The following PDSS2 variants were observed in gnomAD, a reference collection of about 807,000 sequenced individuals.
PDSS2 encodes the protein decaprenyl diphosphate synthase subunit 2, also known as all trans-polyprenyl-diphosphate synthase PDSS2.
Under a neutral mutation model 44.5 loss-of-function variants are expected in PDSS2, and 31 were observed. That is an observed-to-expected ratio of 0.70 (90% CI 0.52 to 0.94). PDSS2 has a LOEUF of 0.94. PDSS2 is among the 40% of genes least tolerant of loss of function. The pLI is 0.00. For missense variants in PDSS2, 452 were observed against 482.2 expected (o/e 0.94, Z 0.59); for synonymous variants, 157 against 180.3 (o/e 0.87, Z 1.03).
intron 1 of PDSS2, among the ~76,000 whole-genome samples, chr6:107,363,406 G>C (rs991405132): frequency 7.9e-5 from 12 of 152,298 alleles, no homozygotes; most frequent in African/African-American, 2.9e-4. Context: ...TCCTTCTGGT[G>C]GGTTCGTGGT....
intron 3 of PDSS2, among the ~76,000 whole-genome samples, chr6:107,257,370 T>A (rs1294703548): frequency 1.3e-5 from 2 of 151,292 alleles, no homozygotes; most frequent in African/African-American, 2.4e-5. Flanking sequence ...AGACTCTGTG[T>A]CTACAAAAAC....
chr6:107,399,715 A>G (rs538237331), intron 1 of PDSS2, among the ~76,000 whole-genome samples: 1 of 152,330 alleles, frequency 6.6e-6, no homozygotes, highest in South Asian at 2.1e-4. Context: ...ATGATAATAG[A>G]TAATAGTTCA....
intron 1 of PDSS2, among the ~76,000 whole-genome samples, chr6:107,416,672 T>C (rs1780670859): frequency 6.6e-6 from 1 of 152,178 alleles, no homozygotes; most frequent in African/African-American, 2.4e-5. Context: ...CCAATTTTGA[T>C]AAAGTATGTA....
intron 1 of PDSS2, among the ~76,000 whole-genome samples, chr6:107,377,527 C>A (rs1779321921): frequency 6.6e-6 from 1 of 152,116 alleles, no homozygotes; most frequent in Non-Finnish European, 1.5e-5. Flanking sequence ...CCAGCCATTC[C>A]ATTACTGGGT....
chr6:107,161,466 C>A (rs1470764855), intron 7 of PDSS2, among the ~76,000 whole-genome samples: 1 of 139,886 alleles, frequency 7.1e-6, no homozygotes, highest in African/African-American at 2.7e-5. Context: ...GGTGACAGAG[C>A]GAGACTCCGT....
At chr6:107,380,555 A>G (rs1247665378) in intron 1 of PDSS2, among the ~76,000 whole-genome samples, 1 of 152,178 alleles carries the variant, frequency 6.6e-6, no homozygotes, top group Non-Finnish European at 1.5e-5. Flanking sequence ...GAAAGGTGGT[A>G]GTATCCAGCC....
Position 107,427,892 on chromosome 6 carries a change from T to C in PDSS2, c.296+31098A>G, listed in dbSNP as rs1299677991. 2.6e-5 allele frequency among the ~76,000 whole-genome samples: 4 copies of C among 152,256 alleles called. No homozygotes were observed. The East Asian group carries it at 7.7e-4, about 29-fold the overall frequency. On this transcript the variant is annotated intron_variant, in intron 1 of 7. Coordinates refer to ENST00000369037, the MANE Select transcript of PDSS2 (RefSeq NM_020381.4). ...TATCAAACTGGAGTTGCTTCCAGCATTTATAATGAATTTACCAACAATATG... is the reference window on the plus strand; with the variant it reads ...TATCAAACTGGAGTTGCTTCCAGCACTTATAATGAATTTACCAACAATATG...
chr6:107,309,536 T>G (rs1014282246), intron 2 of PDSS2, among the ~76,000 whole-genome samples: 1 of 152,182 alleles, frequency 6.6e-6, no homozygotes, highest in Non-Finnish European at 1.5e-5. Context: ...TGGCCTACCT[T>G]AAGCCTTCTC....
At chr6:107,402,419 G>C (rs1222088544) in intron 1 of PDSS2, among the ~76,000 whole-genome samples, 1 of 9,038 alleles carries the variant, frequency 1.1e-4, no homozygotes, top group African/African-American at 4.0e-4. Flanking sequence ...ATATACCAGA[G>C]ACTGGGTAAT....
chr6:107,212,184 C>A lies in PDSS2; in HGVS notation c.801G>T (p.Met267Ile). The change falls in exon 5 of 8, where the codon ATG (methionine) becomes ATT (isoleucine). Residue 267 changes from methionine to isoleucine, a missense_variant. Coordinates refer to ENST00000369037, the MANE Select transcript of PDSS2 (RefSeq NM_020381.4). Reference protein sequence around the residue: ...ALLAKSCQAAMELAKHDAEVQ... With the variant: ...ALLAKSCQAAIELAKHDAEVQ... ...CCTCAGCATCATGCTTTGCTAATTC[C>A]ATTGCAGCTTGGCAGCTCTTTGCTA... The A allele has an allele frequency of 6.2e-7, 1 of 1,613,928 alleles. No homozygotes were observed. The highest frequency in any genetic ancestry group is 8.5e-7 in the Non-Finnish European group (1 of 1,179,836).
chr6:107,396,770 C>A (rs1196006616), intron 1 of PDSS2, among the ~76,000 whole-genome samples: 1 of 145,098 alleles, frequency 6.9e-6, no homozygotes, highest in Non-Finnish European at 1.5e-5. Flanking sequence ...CTCACTGCAA[C>A]CTCAAACTCC....
Position 107,458,193 on chromosome 6 carries a change from A to C in PDSS2, c.296+797T>G, listed in dbSNP as rs561753061. Among the ~76,000 whole-genome samples, 1,466 of 151,954 alleles carry C rather than the reference A, an allele frequency of 9.6e-3. 8 individuals are homozygous for C. Among genetic ancestry groups the C allele is most frequent in the Middle Eastern group, 0.024 (7 of 294 alleles). On this transcript the variant is annotated intron_variant, in intron 1 of 7. Transcript: ENST00000369037. ...TGTGGGGTTTAAGTGGAAGAAAAAA[A>C]AAAAACTTTTGGCCGGGCACGGTGG...
chr6:107,458,990 C>T lies in PDSS2; in HGVS notation c.296G>A (p.Arg99Lys), dbSNP rs777497469. The T allele has an allele frequency of 1.9e-6, 3 of 1,614,012 alleles. No homozygotes were observed. Among genetic ancestry groups the T allele is most frequent in the Admixed American group, 3.3e-5 (2 of 60,026 alleles). ...GTQHPLLTTA[R>K]GLVHDSWNSL... is the part of the protein sequence containing the mutation. ...TGTCAGCGGGAGAGGGGTAGCTCACCTGGCTGTGGTAAGCAGAGGGTGCTG... is the reference window on the plus strand; with the variant it reads ...TGTCAGCGGGAGAGGGGTAGCTCACTTGGCTGTGGTAAGCAGAGGGTGCTG... The change falls in exon 1 of 8, where the codon AGG becomes AAG. Residue 99 changes from arginine to lysine, a missense_variant and splice_region_variant. Arg to Lys is a conservative substitution (Grantham distance 26, BLOSUM62 2). Coordinates refer to ENST00000369037, the MANE Select transcript of PDSS2 (RefSeq NM_020381.4).
At chr6:107,417,865 A>G (rs1379863509) in intron 1 of PDSS2, among the ~76,000 whole-genome samples, 2 of 152,238 alleles carry the variant, frequency 1.3e-5, no homozygotes, top group Non-Finnish European at 2.9e-5. Flanking sequence ...AAAACAACAT[A>G]AACATTCAAC....
At chr6:107,176,547 A>G (rs1234956984) in intron 7 of PDSS2, among the ~76,000 whole-genome samples, 1 of 151,962 alleles carries the variant, frequency 6.6e-6, no homozygotes, top group Non-Finnish European at 1.5e-5. Context: ...CTGTATGGCT[A>G]TTATGCTTAG....
chr6:107,378,543 T>G (rs1007742338), intron 1 of PDSS2, among the ~76,000 whole-genome samples: 64 of 152,016 alleles, frequency 4.2e-4, no homozygotes, highest in Non-Finnish European at 6.9e-4. Context: ...CCCAGCACTT[T>G]GGGAGGCCAA....
At chr6:107,440,141 T>C (rs946089766) in intron 1 of PDSS2, among the ~76,000 whole-genome samples, 4 of 152,238 alleles carry the variant, frequency 2.6e-5, no homozygotes, top group Non-Finnish European at 4.4e-5. Flanking sequence ...TTGAGCCATC[T>C]ACCTCATAAG....
In PDSS2 at chr6:107,260,302, C is replaced by T. The variant is rs1394038787; in HGVS notation, c.630+13727G>A. Among the ~76,000 whole-genome samples the T allele has an allele frequency of 4.6e-5, 7 of 152,256 alleles. No individual in the cohort carries two copies. The East Asian group carries it at 1.4e-3, about 29-fold the overall frequency. ...TAAATAAATAAAATTTGCTCCTGGG[C>T]TAAGACCCTATAAACCAACTTTGGC... On this transcript the variant is annotated intron_variant, in intron 3 of 7. Transcript: ENST00000369037.
intron 1 of PDSS2, among the ~76,000 whole-genome samples, chr6:107,355,465 A>G (rs1562483571): frequency 6.6e-6 from 1 of 152,230 alleles, no homozygotes; most frequent in Non-Finnish European, 1.5e-5. Flanking sequence ...TACATTATGT[A>G]TCTTAGATAA....
Sources: gnomAD v4.1 joint callset for allele counts (sites outside exome capture counted in the v4.1 genomes callset) on GRCh38, gnomAD v4.1.1 for gene constraint, MANE v1.5 for transcripts, NCBI Gene and HGNC (gene_info 2026-07-23, HGNC 2026-07-21) for gene names.